Variants in ZNF618 observed in about 807,000 individuals in gnomAD.
ZNF618 encodes neural precursor cell expressed, developmentally down-regulated 10.
In ZNF618, 34 loss-of-function variants were observed where a neutral mutation model predicts 103.0. The ratio of observed to expected loss-of-function variants is 0.33; its 90% CI spans 0.25 to 0.44. ZNF618 has a LOEUF of 0.44. ZNF618 is among the 20% of genes least tolerant of loss of function. ZNF618 has a pLI of 1.00. For synonymous variants in ZNF618, 551 were observed against 542.2 expected, an observed-to-expected ratio of 1.02 and a Z score of -0.23; for missense variants, 1,059 against 1,295.4, an observed-to-expected ratio of 0.82 and a Z score of 2.80.
intron 11 of ZNF618, among the ~76,000 whole-genome samples, chr9:114,032,137 C>T (rs1844117018): frequency 6.6e-6 from 1 of 152,226 alleles, no homozygotes; most frequent in Admixed American, 6.5e-5. Flanking sequence ...GCTACCCCTG[C>T]TCTCCCTGTC....
chr9:113,915,695 AG>A (rs1365057323), intron 1 of ZNF618, among the ~76,000 whole-genome samples: 2 of 152,060 alleles, frequency 1.3e-5, no homozygotes, highest in African/African-American at 2.4e-5. Flanking sequence ...GGGACATAAA[AG>A]GTGTGTGTGG....
At chr9:113,991,650 G>A (rs1009352407) in intron 3 of ZNF618, among the ~76,000 whole-genome samples, 6 of 152,198 alleles carry the variant, frequency 3.9e-5, no homozygotes, top group African/African-American at 9.6e-5. Context: ...ATATTGAAAC[G>A]ATGGGATGGG....
At chr9:114,036,036 C>A (rs900452177) in intron 12 of ZNF618, among the ~76,000 whole-genome samples, 1 of 152,226 alleles carries the variant, frequency 6.6e-6, no homozygotes, top group Non-Finnish European at 1.5e-5. Flanking sequence ...CGAACAGTGG[C>A]TGGCACGCAG....
At chr9:114,036,156 G>A in intron 12 of ZNF618, 144 bp from the exon 13 acceptor site, 7 of 679,590 alleles carry the variant, frequency 1.0e-5, no homozygotes, top group Non-Finnish European at 1.3e-5. Flanking sequence ...TAGTGACGGG[G>A]GAGGCAGGCA....
At chr9:113,959,017 G>A (rs187232760) in intron 1 of ZNF618, among the ~76,000 whole-genome samples, 2 of 152,158 alleles carry the variant, frequency 1.3e-5, no homozygotes, top group Non-Finnish European at 2.9e-5. Flanking sequence ...GGCCGGGCGC[G>A]GTGGCTCATG....
At chr9:114,046,027 A>G (rs1420340654) in intron 13 of ZNF618, among the ~76,000 whole-genome samples, 1 of 152,082 alleles carries the variant, frequency 6.6e-6, no homozygotes, top group Non-Finnish European at 1.5e-5. Flanking sequence ...AATGTTTATC[A>G]CTAGTATGGA....
chr9:114,038,481 G>A (rs755810547), intron 13 of ZNF618, among the ~76,000 whole-genome samples: 3 of 152,202 alleles, frequency 2.0e-5, no homozygotes, highest in African/African-American at 4.8e-5. Context: ...GGGATTAAAG[G>A]CTTGGCTCCA....
Position 114,049,492 on chromosome 9 carries a change from C to T in ZNF618, c.2190C>T (p.His730=), listed in dbSNP as rs1845956174. Residue 730 remains histidine (H), a synonymous_variant, in exon 15 of 15, where the codon CAC becomes CAT. Coordinates refer to ENST00000374126, the MANE Select transcript of ZNF618 (RefSeq NM_001318042.2). The part of the protein sequence containing the change: ...KMNLIQSLNK[H]LLSNLAAILT... ...ACCTCATCCAGAGCCTCAACAAGCA[C>T]CTGCTCAGCAACCTGGCGGCCATCC... is the stretch of plus-strand genomic sequence containing the variant. 1.2e-6 allele frequency: 2 copies of T among 1,613,284 alleles called. No individual in the cohort carries two copies. The highest frequency in any genetic ancestry group is 4.5e-5 in the East Asian group (2 of 44,858).
chr9:113,925,717 T>C (rs1253140153), intron 1 of ZNF618, among the ~76,000 whole-genome samples: 1 of 152,082 alleles, frequency 6.6e-6, no homozygotes, highest in Non-Finnish European at 1.5e-5. Context: ...ACATGTACAG[T>C]TAATCTGAGT....
At chr9:113,914,507 G>A (rs1031206175) in intron 1 of ZNF618, among the ~76,000 whole-genome samples, 1 of 152,160 alleles carries the variant, frequency 6.6e-6, no homozygotes, top group African/African-American at 2.4e-5. Context: ...CCAATCATTC[G>A]GAGTTGCCGG....
intron 1 of ZNF618, among the ~76,000 whole-genome samples, chr9:113,886,658 G>A (rs1207017005): frequency 6.6e-6 from 1 of 152,078 alleles, no homozygotes; most frequent in Non-Finnish European, 1.5e-5. Flanking sequence ...CTTCCCTGGG[G>A]TGCTACTAGC....
chr9:113,973,109 G>T (rs934506736), intron 2 of ZNF618, among the ~76,000 whole-genome samples: 7 of 152,176 alleles, frequency 4.6e-5, no homozygotes, highest in Admixed American at 6.5e-5. Flanking sequence ...CAGTGTGGTG[G>T]CCTTAGCTGA....
At chr9:113,931,291 C>A (rs73554406) in intron 1 of ZNF618, among the ~76,000 whole-genome samples, 1 of 152,126 alleles carries the variant, frequency 6.6e-6, no homozygotes, top group Admixed American at 6.5e-5. Context: ...ACACTCGTGT[C>A]GGGGAGATGG....
chr9:113,876,457 GGGGGCC>G, intron 1 of ZNF618, 44 bp downstream of exon 1: 1 of 1,186,038 alleles, frequency 8.4e-7, no homozygotes, highest in Non-Finnish European at 1.0e-6. Context: ...GGGGACCCCG[GGGGGCC>G]GGGGCCCGGG....
intron 1 of ZNF618, among the ~76,000 whole-genome samples, chr9:113,941,166 G>A (rs1410403869): frequency 1.3e-5 from 2 of 151,726 alleles, no homozygotes; most frequent in African/African-American, 2.4e-5. Flanking sequence ...TTTAAACTTG[G>A]GCAAGAATAA....
chr9:113,939,754 C>G (rs1296224757), intron 1 of ZNF618, among the ~76,000 whole-genome samples: 1 of 151,212 alleles, frequency 6.6e-6, no homozygotes, highest in Non-Finnish European at 1.5e-5. Context: ...TAAAGTCTTC[C>G]TTCCTTTCTT....
chr9:113,991,526 C>T (rs923397254), intron 3 of ZNF618, among the ~76,000 whole-genome samples: 1 of 152,222 alleles, frequency 6.6e-6, no homozygotes, highest in African/African-American at 2.4e-5. Flanking sequence ...GCTTAGTAAA[C>T]AAGTAGCTAG....
In ZNF618 at chr9:114,056,232, C is replaced by T. The variant is rs1288878427; in HGVS notation, c.*6065C>T. 1 of 152,064 alleles carries T rather than the reference C, an allele frequency of 6.6e-6. No individual in the cohort carries two copies. The highest frequency in any genetic ancestry group is 1.5e-5 in the Non-Finnish European group (1 of 68,020). 9.4% of individuals were successfully genotyped at this position (152,064 alleles called of 1,614,324 possible). ...TCTCCATTTACAGCCAAATCAGTTT[C>T]ATGATGTTCAAAACATTTACTGATG... On this transcript the variant is annotated 3_prime_UTR_variant, in exon 15 of 15. Coordinates refer to ENST00000374126, the MANE Select transcript of ZNF618 (RefSeq NM_001318042.2).
chr9:113,934,111 C>T (rs1429481906), intron 1 of ZNF618, among the ~76,000 whole-genome samples: 1 of 152,018 alleles, frequency 6.6e-6, no homozygotes, highest in Non-Finnish European at 1.5e-5. Flanking sequence ...TTAGTATAGC[C>T]AAAATTGAAG....
Sources: allele counts gnomAD v4.1 joint callset (sites outside exome capture counted in the v4.1 genomes callset), GRCh38; gene constraint gnomAD v4.1.1; transcripts MANE v1.5; gene names NCBI Gene and HGNC (gene_info 2026-07-23, HGNC 2026-07-21).